Variants in ROBO2 observed in about 807,000 individuals in gnomAD.
ROBO2 encodes roundabout homolog 2.
A neutral mutation model predicts 160.8 loss-of-function variants in ROBO2; 53 were observed. The observed-to-expected ratio is 0.33, with a 90% CI of 0.26 to 0.41. The LOEUF (loss-of-function observed/expected upper bound fraction) is 0.41, where lower values mean the gene tolerates loss of function less well. ROBO2 is among the 10% of genes least tolerant of loss of function. The probability of loss-of-function intolerance (pLI) is 1.00; values close to 1 mark genes in which losing one functional copy is unlikely to be tolerated. For synonymous variants in ROBO2, 664 were observed against 611.7 expected (o/e 1.09, Z -1.26); for missense variants, 1,577 against 1,722.4 (o/e 0.92, Z 1.49).
Position 76,286,369 on chromosome 3 carries a change from T to C in ROBO2, c.109+348767T>C, listed in dbSNP as rs143839846. On this transcript the variant is annotated intron_variant, in intron 2 of 26. Transcript: ENST00000487694. Reference sequence around the variant, plus strand: ...CTGCATAGAGTTAGTGGGGGTCTAGTGCAAAACTCTTGTGGGAAACTGATA... The same window carrying C: ...CTGCATAGAGTTAGTGGGGGTCTAGCGCAAAACTCTTGTGGGAAACTGATA... Among the ~76,000 whole-genome samples, 11 of 152,296 alleles carry C rather than the reference T, an allele frequency of 7.2e-5. No homozygotes were observed. In the East Asian group the frequency reaches 2.1e-3, roughly 29 times the overall value.
intron 2 of ROBO2, among the ~76,000 whole-genome samples, chr3:76,386,662 A>G (rs907767011): frequency 5.3e-5 from 8 of 152,132 alleles, no homozygotes; most frequent in Non-Finnish European, 1.0e-4. Flanking sequence ...ATAATCACTT[A>G]GGACAAAATG....
At chr3:77,189,284 C>A (rs1389903365) in intron 2 of ROBO2, among the ~76,000 whole-genome samples, 2 of 151,710 alleles carry the variant, frequency 1.3e-5, no homozygotes, top group Admixed American at 1.3e-4. Context: ...TGTGGAACAT[C>A]TTGAAGATTA....
In ROBO2 at chr3:76,864,952, A is replaced by G. The variant is rs556151538; in HGVS notation, c.110-233062A>G. Among the ~76,000 whole-genome samples the G allele has an allele frequency of 8.5e-4, 130 of 152,238 alleles. 1 individual carries two copies. The highest frequency in any genetic ancestry group is 5.4e-4 in the Non-Finnish European group (37 of 67,974). On this transcript the variant is annotated intron_variant, in intron 2 of 26. Coordinates refer to the ROBO2 transcript ENST00000487694. The stretch of plus-strand genomic sequence containing the variant: ...AAGACAAATTTTAACAATGCACAAT[A>G]TAATATTTGTCTAACAGATTTAGCA...
intron 2 of ROBO2, among the ~76,000 whole-genome samples, chr3:76,432,540 G>A (rs2076482683): frequency 6.6e-6 from 1 of 152,062 alleles, no homozygotes; most frequent in African/African-American, 2.4e-5. Flanking sequence ...TATTCATATG[G>A]CTATGAGTAG....
In ROBO2 at chr3:76,560,616, C is replaced by CA. The variant is rs1160642120; in HGVS notation, c.110-537384dup. ...AGGACTCTGATTACATCTGATTTCA[C>CA]AAAAAAAAAAAAAAGAAAAGAAAAG... On this transcript the variant is annotated intron_variant, in intron 2 of 26. Transcript: ENST00000487694. Among the ~76,000 whole-genome samples the CA allele has an allele frequency of 3.2e-3, 340 of 107,924 alleles. 2 individuals are homozygous for CA. Among genetic ancestry groups the CA allele is most frequent in the Admixed American group, 5.6e-3 (57 of 10,094 alleles). The allele number at this position is 107,924 out of a possible 152,430, so 70.8% of individuals were successfully genotyped here. A position where few individuals can be genotyped will look rare whatever the true frequency, so the allele number is the denominator to read the frequency against.
At chr3:77,073,074 A>G (rs1475719310) in intron 1 of ROBO2, among the ~76,000 whole-genome samples, 1 of 152,194 alleles carries the variant, frequency 6.6e-6, no homozygotes, top group Non-Finnish European at 1.5e-5. Context: ...ATGGTTAGGT[A>G]TTGAGGGAAA....
At chr3:77,556,555 G>A (rs78233510) in intron 8 of ROBO2, among the ~76,000 whole-genome samples, 2 of 151,740 alleles carry the variant, frequency 1.3e-5, no homozygotes, top group Non-Finnish European at 2.9e-5. Context: ...TTAATCTTTT[G>A]TTCCCTAAAA....
chr3:75,994,114 G>C (rs2065657762), intron 2 of ROBO2, among the ~76,000 whole-genome samples: 1 of 152,096 alleles, frequency 6.6e-6, no homozygotes, highest in Non-Finnish European at 1.5e-5. Context: ...CTGTGGGACT[G>C]TACAGGTTAC....
chr3:76,574,421 C>G (rs2085156532), intron 2 of ROBO2, among the ~76,000 whole-genome samples: 1 of 152,080 alleles, frequency 6.6e-6, no homozygotes. Flanking sequence ...CTTTGAATCA[C>G]ATAAAAACTT....
intron 2 of ROBO2, among the ~76,000 whole-genome samples, chr3:76,231,035 C>T (rs997880235): frequency 1.2e-4 from 19 of 152,020 alleles, no homozygotes; most frequent in Non-Finnish European, 2.2e-4. Flanking sequence ...TCAGAGCCCG[C>T]GGAAAGAATC....
intron 2 of ROBO2, among the ~76,000 whole-genome samples, chr3:76,521,300 T>C (rs1044809160): frequency 1.3e-5 from 2 of 152,042 alleles, no homozygotes; most frequent in East Asian, 1.9e-4. Flanking sequence ...CCGCCCGCCT[T>C]GGCCTCCCAA....
intron 2 of ROBO2, among the ~76,000 whole-genome samples, chr3:76,057,547 T>A (rs762489830): frequency 4.6e-5 from 7 of 152,206 alleles, no homozygotes; most frequent in Non-Finnish European, 1.0e-4. Flanking sequence ...TTCGGAATTA[T>A]CCCCAACATA....
chr3:76,137,485 T>C (rs1448538840), intron 2 of ROBO2, among the ~76,000 whole-genome samples: 2 of 152,044 alleles, frequency 1.3e-5, no homozygotes, highest in African/African-American at 4.8e-5. Flanking sequence ...ATTCTGATGT[T>C]AGTTCTGTTT....
chr3:76,028,863 G>A (rs2066828480), intron 2 of ROBO2, among the ~76,000 whole-genome samples: 1 of 152,016 alleles, frequency 6.6e-6, no homozygotes, highest in South Asian at 2.1e-4. Context: ...ATTTGAATGT[G>A]TTCTCTAACT....
chr3:76,416,420 G>A (rs1339982057), intron 2 of ROBO2, among the ~76,000 whole-genome samples: 1 of 151,818 alleles, frequency 6.6e-6, no homozygotes, highest in East Asian at 1.9e-4. Flanking sequence ...AAAACTGTGT[G>A]TGTGTGGGGG....
At chr3:76,575,665 C>A (rs1269286058) in intron 2 of ROBO2, among the ~76,000 whole-genome samples, 1 of 151,994 alleles carries the variant, frequency 6.6e-6, no homozygotes, top group Non-Finnish European at 1.5e-5. Flanking sequence ...ATCTTTCTTT[C>A]CAAAGGTTAA....
intron 2 of ROBO2, among the ~76,000 whole-genome samples, chr3:76,322,721 T>C (rs1275109443): frequency 2.6e-5 from 4 of 152,180 alleles, no homozygotes; most frequent in African/African-American, 7.2e-5. Context: ...TTGAACAGAC[T>C]CTTAGGAACT....
chr3:77,172,264 A>C (rs2079710443), intron 2 of ROBO2, among the ~76,000 whole-genome samples: 1 of 152,202 alleles, frequency 6.6e-6, no homozygotes, highest in Admixed American at 6.5e-5. Flanking sequence ...AATGAGGATT[A>C]CTTTTTTCAT....
chr3:76,354,102 A>G (rs894845653), intron 2 of ROBO2, among the ~76,000 whole-genome samples: 1 of 152,014 alleles, frequency 6.6e-6, no homozygotes, highest in Non-Finnish European at 1.5e-5. Flanking sequence ...GCATACTCCC[A>G]ATTCAAGGCA....
Sources: gnomAD v4.1 joint callset for allele counts (sites outside exome capture counted in the v4.1 genomes callset) on GRCh38, gnomAD v4.1.1 for gene constraint, MANE v1.5 for transcripts, NCBI Gene and HGNC (gene_info 2026-07-23, HGNC 2026-07-21) for gene names.